The following ROCK2 variants were observed in gnomAD, a reference collection of about 807,000 sequenced individuals.
ROCK2 encodes the protein rho-associated protein kinase 2.
ROCK2 carries 61 observed loss-of-function variants against 195.1 expected under a neutral mutation model. The observed-to-expected ratio is 0.31, with a 90% CI of 0.25 to 0.39. ROCK2 has a LOEUF of 0.39. Among genes scored for constraint, ROCK2 ranks in the 10% least tolerant of loss-of-function variants. ROCK2 has a pLI of 1.00. For missense variants in ROCK2, 1,109 were observed against 1,637.4 expected, an observed-to-expected ratio of 0.68 and a Z score of 5.57; for synonymous variants, 504 against 545.5, an observed-to-expected ratio of 0.92 and a Z score of 1.06.
rs1665368748 is a variant in ROCK2, at chr2:11,240,062, C to CT, written c.463-4101_463-4100insA. Among the ~76,000 whole-genome samples, 3 of 152,218 alleles carry CT rather than the reference C, an allele frequency of 2.0e-5. No homozygotes were observed. The South Asian group carries it at 6.2e-4, about 32-fold the overall frequency. On this transcript the variant is annotated intron_variant, in intron 4 of 32. Transcript: ENST00000315872. The stretch of plus-strand genomic sequence containing the variant: ...ACCAGAACATCAATGTGTTCACCAA[C>CT]CAGTAAGCTCCACTGAGTGTCAGTA...
chr2:11,184,319 T>G (rs1248803650), intron 32 of ROCK2, among the ~76,000 whole-genome samples: 1 of 152,236 alleles, frequency 6.6e-6, no homozygotes, highest in African/African-American at 2.4e-5. Flanking sequence ...CAAACTAATA[T>G]AGCTGTAGGA....
At chr2:11,268,521 A>AGTGTGTGT (rs1558343608) in intron 3 of ROCK2, among the ~76,000 whole-genome samples, 11 of 73,764 alleles carry the variant, frequency 1.5e-4, no homozygotes, top group African/African-American at 4.5e-4. Flanking sequence ...ACAGTTTTGC[A>AGTGTGTGT]CTGTGTGTGT....
At chr2:11,297,866 T>C (rs1298611020) in intron 1 of ROCK2, among the ~76,000 whole-genome samples, 1 of 152,192 alleles carries the variant, frequency 6.6e-6, no homozygotes, top group Non-Finnish European at 1.5e-5. Flanking sequence ...TCTTTCTAAT[T>C]AATGATGTTT....
intron 20 of ROCK2, among the ~76,000 whole-genome samples, chr2:11,207,385 GA>G (rs1664090142): frequency 6.6e-6 from 1 of 152,126 alleles, no homozygotes; most frequent in Non-Finnish European, 1.5e-5. Flanking sequence ...CCAAGTCTAA[GA>G]AACTAAGGAA....
At chr2:11,316,371 C>T (rs1046126518) in intron 1 of ROCK2, among the ~76,000 whole-genome samples, 1 of 151,988 alleles carries the variant, frequency 6.6e-6, no homozygotes, top group African/African-American at 2.4e-5. Context: ...TTACTAAAGT[C>T]AAAAACCATG....
chr2:11,286,517 T>A, intron 3 of ROCK2, 22 bp downstream of exon 3: 1 of 1,441,376 alleles, frequency 6.9e-7, no homozygotes, highest in Non-Finnish European at 9.8e-7. Flanking sequence ...TAGAGAACAA[T>A]AAGAACAAAA....
chr2:11,296,049 A>AGAGAGAGAGG, intron 1 of ROCK2, among the ~76,000 whole-genome samples: 1 of 148,646 alleles, frequency 6.7e-6, no homozygotes, highest in Non-Finnish European at 1.5e-5. Context: ...AGAGAGAGAG[A>AGAGAGAGAGG]GAAAACAAAG....
chr2:11,194,991 T>A lies in ROCK2; in HGVS notation c.3483A>T (p.Val1161=). The A allele has an allele frequency of 1.3e-6, 2 of 1,586,102 alleles. No individual in the cohort carries two copies. Among genetic ancestry groups the A allele is most frequent in the Non-Finnish European group, 1.7e-6 (2 of 1,164,942 alleles). Residue 1161 remains valine (V), a synonymous_variant, in exon 28 of 33, where the codon GTA becomes GTT. Coordinates refer to ENST00000315872, the MANE Select transcript of ROCK2 (RefSeq NM_004850.5). ...ATCCAAATTTCTTAGTGTTGTTTCGTACAGGCAATGAAAGCCATCCTTCTA... is the reference window on the plus strand; with the variant it reads ...ATCCAAATTTCTTAGTGTTGTTTCGAACAGGCAATGAAAGCCATCCTTCTA... The part of the protein sequence containing the change: ...SRLEGWLSLP[V]RNNTKKFGWV...
intron 1 of ROCK2, among the ~76,000 whole-genome samples, chr2:11,316,485 T>C (rs556151583): frequency 1.3e-5 from 2 of 152,258 alleles, no homozygotes; most frequent in South Asian, 2.1e-4. Flanking sequence ...TAATTTCATG[T>C]ACTCCAAAAA....
intron 3 of ROCK2, among the ~76,000 whole-genome samples, chr2:11,284,001 G>A (rs1224268066): frequency 1.3e-5 from 2 of 152,176 alleles, no homozygotes; most frequent in Non-Finnish European, 2.9e-5. Flanking sequence ...AAACCTGGAG[G>A]CAATCAATAT....
chr2:11,269,641 T>G (rs1666554550), intron 3 of ROCK2, among the ~76,000 whole-genome samples: 1 of 152,250 alleles, frequency 6.6e-6, no homozygotes, highest in Non-Finnish European at 1.5e-5. Context: ...TTTCTTCGGA[T>G]ATAAGACATA....
In ROCK2 at chr2:11,344,476, C is replaced by T; in HGVS notation, c.-340G>A. 1 of 999,658 alleles carries T rather than the reference C, an allele frequency of 1.0e-6. No individual in the cohort carries two copies. The highest frequency in any genetic ancestry group is 1.2e-6 in the Non-Finnish European group (1 of 839,802). The allele number at this position is 999,658 out of a possible 1,614,324, so 61.9% of individuals were successfully genotyped here. A position where few individuals can be genotyped will look rare whatever the true frequency, so the allele number is the denominator to read the frequency against. On this transcript the variant is annotated 5_prime_UTR_variant, in exon 1 of 33. Coordinates refer to ENST00000315872, the MANE Select transcript of ROCK2 (RefSeq NM_004850.5). The surrounding 1 kb of genome is among the most constrained non-coding windows in gnomAD (Gnocchi z 5.4). ...GGGAGCAGGGAAGTGGCGCCGCCAC[C>T]GCCGCGGCCCGGACCGCCCCGCCCT...
rs13416047 is a variant in ROCK2 at position 11,322,472 on chromosome 2, G to A, written c.141+21524C>T. ...CATCATGACTGTTGCTGCCATTGTC[G>A]CATTCATGTCATGAATGCATTAGAA... is the stretch of plus-strand genomic sequence containing the variant. On this transcript the variant is annotated intron_variant, in intron 1 of 32. Coordinates refer to ENST00000315872, the MANE Select transcript of ROCK2 (RefSeq NM_004850.5). Among the ~76,000 whole-genome samples, 1,313 of 151,460 alleles carry A rather than the reference G, an allele frequency of 8.7e-3. 19 individuals are homozygous for A. The highest frequency in any genetic ancestry group is 0.03 in the African/African-American group (1,248 of 41,284).
intron 1 of ROCK2, among the ~76,000 whole-genome samples, chr2:11,317,583 T>TATATAAAAAAAAAAAAAA (rs1410115311): frequency 1.8e-4 from 2 of 10,906 alleles, no homozygotes; most frequent in African/African-American, 6.7e-4. Flanking sequence ...CATTTATATA[T>TATATAAAAAAAAAAAAAA]ATATATATAT....
At chr2:11,236,044 A>C in intron 4 of ROCK2, 82 bp from the exon 5 acceptor site, 2 of 1,266,700 alleles carry the variant, frequency 1.6e-6, no homozygotes, top group Non-Finnish European at 2.1e-6. Context: ...AAAAACTATT[A>C]TTACTATTGA....
chr2:11,217,510 T>C (rs1259374110), intron 11 of ROCK2, among the ~76,000 whole-genome samples: 2 of 152,240 alleles, frequency 1.3e-5, no homozygotes, highest in Non-Finnish European at 2.9e-5. Context: ...ATGAATTATT[T>C]GCTTGAAAAT....
chr2:11,223,807 G>GT (rs1222260915), intron 7 of ROCK2, among the ~76,000 whole-genome samples: 1 of 152,200 alleles, frequency 6.6e-6, no homozygotes, highest in East Asian at 1.9e-4. Context: ...TTGGGGGCAG[G>GT]TTTTCACACC....
chr2:11,316,070 C>A (rs989665756), intron 1 of ROCK2, among the ~76,000 whole-genome samples: 1 of 152,040 alleles, frequency 6.6e-6, no homozygotes, highest in African/African-American at 2.4e-5. Flanking sequence ...TTTGGATATA[C>A]CCTAAGAAAG....
chr2:11,267,332 C>T (rs569064046), intron 3 of ROCK2, among the ~76,000 whole-genome samples: 16 of 152,138 alleles, frequency 1.1e-4, no homozygotes, highest in African/African-American at 2.4e-4. Context: ...GAAAGACTCA[C>T]GCCTGTGGTC....
Sources: allele counts gnomAD v4.1 joint callset (sites outside exome capture counted in the v4.1 genomes callset), GRCh38; gene constraint gnomAD v4.1.1; non-coding constraint Gnocchi (gnomAD v3.1); transcripts MANE v1.5; gene names NCBI Gene and HGNC (gene_info 2026-07-23, HGNC 2026-07-21).